Variants in CPNE5 observed in about 807,000 individuals in gnomAD.
CPNE5 encodes the protein copine-5.
In CPNE5, 42 loss-of-function variants were observed where a neutral mutation model predicts 81.1. That is an observed-to-expected ratio of 0.52 (90% CI 0.40 to 0.67). The LOEUF (loss-of-function observed/expected upper bound fraction) is 0.67. Among genes scored for constraint, CPNE5 ranks in the 30% least tolerant of loss-of-function variants. The pLI, the probability that CPNE5 is intolerant of heterozygous loss-of-function variation, is 0.00. For missense variants in CPNE5, 612 were observed against 815.5 expected (o/e 0.75, Z 3.04); for synonymous variants, 313 against 321.5 (o/e 0.97, Z 0.28).
At chr6:36,742,863 C>A in intron 20 of CPNE5, 1 of 985,426 alleles carries the variant, frequency 1.0e-6, no homozygotes, top group Non-Finnish European at 1.2e-6. Flanking sequence ...ACCTGTCCAG[C>A]AGAGCCCTCT....
At chr6:36,815,157 CAAA>C (rs752626370) in intron 3 of CPNE5, among the ~76,000 whole-genome samples, 1 of 113,132 alleles carries the variant, frequency 8.8e-6, no homozygotes, top group Non-Finnish European at 1.9e-5. Flanking sequence ...GACTCTGTCT[CAAA>C]AAAAAAAAAA....
At chr6:36,834,850 TC>T (rs1400273707) in intron 1 of CPNE5, among the ~76,000 whole-genome samples, 2 of 151,590 alleles carry the variant, frequency 1.3e-5, no homozygotes, top group Non-Finnish European at 2.9e-5. Context: ...GCTGCCGCCC[TC>T]CCCCAGGCTC....
intron 16 of CPNE5, 85 bp from the exon 17 acceptor site, chr6:36,745,600 G>T: frequency 6.9e-7 from 1 of 1,441,924 alleles, no homozygotes; most frequent in Non-Finnish European, 9.4e-7. Flanking sequence ...AGGTGGGGAG[G>T]CCAGCAGGCC....
chr6:36,788,126 G>A (rs1412033921), intron 8 of CPNE5, among the ~76,000 whole-genome samples: 1 of 150,502 alleles, frequency 6.6e-6, no homozygotes, highest in Non-Finnish European at 1.5e-5. Context: ...GACCTCCCAA[G>A]CTCAAGTGAC....
At chr6:36,804,777 T>C (rs1320348585) in intron 3 of CPNE5, among the ~76,000 whole-genome samples, 2 of 151,940 alleles carry the variant, frequency 1.3e-5, no homozygotes, top group East Asian at 3.9e-4. Flanking sequence ...AGATTGATTC[T>C]GCCTAAGAAG....
chr6:36,839,271 C>A lies in CPNE5; in HGVS notation c.95+12G>T. ...GGCCGGGGCAAGGGGACCCGGCCAG[C>A]GGGAGGCTCACCTGCAGGACACGGT... On this transcript the variant is annotated intron_variant, in intron 1 of 20. Coordinates refer to ENST00000244751, the MANE Select transcript of CPNE5 (RefSeq NM_020939.2). This position sits in a 1 kb window ranked among gnomAD's most constrained non-coding sequence, Gnocchi z 7.3. 1 of 1,523,780 alleles carries A rather than the reference C, an allele frequency of 6.6e-7. No homozygotes were observed. The highest frequency in any genetic ancestry group is 1.2e-5 in the South Asian group (1 of 81,388). 94.4% of individuals were successfully genotyped at this position (1,523,780 alleles called of 1,614,324 possible).
rs1245106728 is a variant in CPNE5, at chr6:36,792,065, T to C, written c.496A>G (p.Ile166Val). 6 of 1,613,892 alleles carry C rather than the reference T, an allele frequency of 3.7e-6. No homozygotes were observed. Among genetic ancestry groups the C allele is most frequent in the Admixed American group, 3.3e-5 (2 of 59,988 alleles). Residue 166 changes from isoleucine to valine, a missense_variant, in exon 8 of 21, where the codon ATC (isoleucine) becomes GTC (valine). Ile to Val is a conservative substitution (Grantham distance 29, BLOSUM62 3). Transcript: ENST00000244751. ...TTGCTGAGCTCCTCAGCGGACAGGA[T>C]GATGGTGCCACATTTCTTTCCTGGG... ...GVPGKKCGTI[I>V]LSAEELSNCR...
chr6:36,793,697 A>C (rs528310468), intron 7 of CPNE5, among the ~76,000 whole-genome samples: 217 of 152,064 alleles, frequency 1.4e-3, no homozygotes, highest in Non-Finnish European at 2.6e-3. Flanking sequence ...GTGAATTAGC[A>C]TCCATGCTCT....
In CPNE5 at chr6:36,742,480, G is replaced by A; in HGVS notation, c.1570C>T (p.Pro524Ser). The change falls in exon 21 of 21, where the codon CCC becomes TCC. Residue 524 changes from proline to serine, a missense_variant. By Grantham distance (74) the Pro-to-Ser change is moderately conservative. Transcript: ENST00000244751. ...GTGCGGTCCACGTAGTCCCGGAAGGGTACAAACTGGCAAGTGGGAGGGCAG... is the reference window on the plus strand; with the variant it reads ...GTGCGGTCCACGTAGTCCCGGAAGGATACAAACTGGCAAGTGGGAGGGCAG... ...LAERDIVQFV[P>S]FRDYVDRTGN... 6.2e-7 allele frequency: 1 copy of A among 1,610,760 alleles called. No homozygotes were observed. Among genetic ancestry groups the A allele is most frequent in the South Asian group, 1.1e-5 (1 of 91,074 alleles).
At chr6:36,808,900 C>T (rs1291225504) in intron 3 of CPNE5, among the ~76,000 whole-genome samples, 2 of 152,096 alleles carry the variant, frequency 1.3e-5, no homozygotes, top group African/African-American at 2.4e-5. Context: ...AGCTAGCAGG[C>T]GATAGGAACG....
At chr6:36,762,022 C>A (rs180807838) in intron 12 of CPNE5, among the ~76,000 whole-genome samples, 1 of 152,048 alleles carries the variant, frequency 6.6e-6, no homozygotes, top group Admixed American at 6.6e-5. Context: ...GAGGCCAAGG[C>A]AGGAGGATCG....
At position 36,745,096 on chromosome 6, in the gene CPNE5, A is replaced by G. The variant is rs1270073931; in HGVS notation, c.1383T>C (p.Thr461=). ...GCGCCATGTCCGAGATGACCCCATC[A>G]GTAATGATGAGCAGCACCGAGTACT... ...GSQYSVLLII[T]DGVISDMAQT... Residue 461 remains threonine, a synonymous_variant, in exon 18 of 21, where the codon ACT becomes ACC. Coordinates refer to ENST00000244751, the MANE Select transcript of CPNE5 (RefSeq NM_020939.2). 1 of 1,614,152 alleles carries G rather than the reference A, an allele frequency of 6.2e-7. No individual in the cohort carries two copies.
intron 1 of CPNE5, among the ~76,000 whole-genome samples, chr6:36,829,532 G>T (rs927862083): frequency 6.6e-6 from 1 of 150,864 alleles, no homozygotes; most frequent in Non-Finnish European, 1.5e-5. Flanking sequence ...GAAACAGAAG[G>T]CTGGGCACGG....
chr6:36,775,166 G>C, intron 9 of CPNE5, 101 bp from the exon 10 acceptor site: 1 of 830,942 alleles, frequency 1.2e-6, no homozygotes, highest in South Asian at 1.5e-5. Flanking sequence ...CTGGTTCCTG[G>C]ACGACGGAAA....
chr6:36,802,655 G>A (rs1770230478), intron 3 of CPNE5, among the ~76,000 whole-genome samples: 1 of 152,160 alleles, frequency 6.6e-6, no homozygotes, highest in Non-Finnish European at 1.5e-5. Flanking sequence ...CTGCAGTCCA[G>A]GAAAACACCA....
At chr6:36,838,003 G>A (rs1773674356) in intron 1 of CPNE5, among the ~76,000 whole-genome samples, 3 of 152,116 alleles carry the variant, frequency 2.0e-5, no homozygotes. Context: ...ATGGGACCTG[G>A]GAGCTATCAC....
intron 3 of CPNE5, among the ~76,000 whole-genome samples, chr6:36,811,461 T>C (rs1184808814): frequency 2.0e-5 from 3 of 152,204 alleles, no homozygotes; most frequent in Non-Finnish European, 4.4e-5. Context: ...ACAGTAGGCT[T>C]GTGAGCCTAA....
chr6:36,759,973 G>A lies in CPNE5; in HGVS notation c.855+2944C>T, dbSNP rs575501496. Among the ~76,000 whole-genome samples the A allele has an allele frequency of 1.5e-3, 230 of 151,882 alleles. 1 individual carries two copies. The highest frequency in any genetic ancestry group is 5.2e-3 in the African/African-American group (214 of 41,392). On this transcript the variant is annotated intron_variant, in intron 12 of 20. Transcript: ENST00000244751. Reference sequence around the variant, plus strand: ...TGAAATCCCAGCACTTTGCAAGGCCGAGGCGGGTGCATCACCTGAGCTCAG... The same window carrying A: ...TGAAATCCCAGCACTTTGCAAGGCCAAGGCGGGTGCATCACCTGAGCTCAG...
At position 36,768,231 on chromosome 6, in the gene CPNE5, T is replaced by TTC. The variant is rs1256323536; in HGVS notation, c.738-2856_738-2855insGA. On this transcript the variant is annotated intron_variant, in intron 10 of 20. Coordinates refer to ENST00000244751, the MANE Select transcript of CPNE5 (RefSeq NM_020939.2). ...GACTACTCTATTCACAGTTCTTTTT[T>TTC]TTTTTTTTTTTTTTTTTTTTTGAGA... Among the ~76,000 whole-genome samples the TTC allele has an allele frequency of 8.7e-4, 83 of 95,190 alleles. 18 individuals carry two copies. The highest frequency in any genetic ancestry group is 2.2e-3 in the African/African-American group (53 of 24,534). The allele number at this position is 95,190 out of a possible 152,430, so 62.4% of individuals were successfully genotyped here.
Sources: gnomAD v4.1 joint callset for allele counts (sites outside exome capture counted in the v4.1 genomes callset) on GRCh38, gnomAD v4.1.1 for gene constraint, Gnocchi (gnomAD v3.1) non-coding constraint, MANE v1.5 for transcripts, NCBI Gene and HGNC (gene_info 2026-07-23, HGNC 2026-07-21) for gene names.